CDH23: variants seen among roughly 807,000 people sequenced by gnomAD.
CDH23 encodes cadherin-23.
A neutral mutation model predicts 317.1 loss-of-function variants in CDH23; 189 were observed. That is an observed-to-expected ratio of 0.60 (90% CI 0.53 to 0.67). The LOEUF (loss-of-function observed/expected upper bound fraction) is 0.67. CDH23 is among the 30% of genes least tolerant of loss of function. The pLI, the probability that CDH23 is intolerant of heterozygous loss-of-function variation, is 0.00. For missense variants in CDH23, 4,401 were observed against 4,592.4 expected, an observed-to-expected ratio of 0.96 and a Z score of 1.20; for synonymous variants, 1,839 against 1,876.8, an observed-to-expected ratio of 0.98 and a Z score of 0.52.
At position 71,598,484 on chromosome 10, in the gene CDH23, A is replaced by T. The variant is rs540139214; in HGVS notation, c.833-17020A>T. On this transcript the variant is annotated intron_variant, in intron 9 of 69. Transcript: ENST00000224721. ...GCCCAGAGTTTGGAGTGGGAGTGCT[A>T]TAGGGTATCCACTGCTTTGGAGCAC... Among the ~76,000 whole-genome samples, 95 of 152,322 alleles carry T rather than the reference A, an allele frequency of 6.2e-4. 2 individuals are homozygous for T. The South Asian group carries it at 0.018, about 30-fold the overall frequency.
chr10:71,638,666 C>T (rs953927035), intron 11 of CDH23, among the ~76,000 whole-genome samples: 6 of 152,214 alleles, frequency 3.9e-5, no homozygotes, highest in Admixed American at 1.3e-4. Flanking sequence ...ACCCTTGACC[C>T]TCCCTCCCAA....
rs575203430 is a variant in CDH23, at chr10:71,807,960, G to A, written c.8675G>A (p.Arg2892Gln). 2.0e-5 allele frequency: 32 copies of A among 1,600,430 alleles called. No individual in the cohort carries two copies. The South Asian group carries it at 2.0e-4, about 10-fold the overall frequency. The change falls in exon 60 of 70, where the codon CGG becomes CAG. Residue 2892 changes from arginine (R) to glutamine (Q), a missense_variant. Arg to Gln is a conservative substitution (Grantham distance 43). This residue lies in a region of CDH23 where 1,144 missense variants were observed against 1,138.2 expected (regional missense o/e 1.01). Coordinates refer to ENST00000224721, the MANE Select transcript of CDH23 (RefSeq NM_022124.6). ...FYSILAIHYF[R>Q]ALANDSEDVG... ...AGCATTCTGGCCATCCACTACTTCC[G>A]GGCCCTTGCCAACGACTCTGAAGAT...
intron 9 of CDH23, among the ~76,000 whole-genome samples, chr10:71,599,298 T>G (rs920750266): frequency 2.0e-4 from 30 of 152,200 alleles, no homozygotes; most frequent in Non-Finnish European, 1.9e-4. Context: ...AGGCCTGTTC[T>G]GTGAGCGCTG....
intron 38 of CDH23, among the ~76,000 whole-genome samples, chr10:71,744,545 C>T (rs1171812111): frequency 6.6e-6 from 1 of 152,234 alleles, no homozygotes; most frequent in Non-Finnish European, 1.5e-5. Flanking sequence ...TTTCCATCTG[C>T]TGGCCAAACC....
At chr10:71,632,418 G>A (rs767902257) in intron 11 of CDH23, among the ~76,000 whole-genome samples, 2 of 152,228 alleles carry the variant, frequency 1.3e-5, no homozygotes, top group Non-Finnish European at 2.9e-5. Context: ...TGTACTCAGA[G>A]CTATGCTTTA....
At chr10:71,486,115 G>C (rs1165570468) in intron 3 of CDH23, among the ~76,000 whole-genome samples, 2 of 152,204 alleles carry the variant, frequency 1.3e-5, no homozygotes, top group African/African-American at 4.8e-5. Flanking sequence ...TTATTGAATG[G>C]ATAAATGGGA....
chr10:71,651,956 C>T (rs1299291171), intron 14 of CDH23, among the ~76,000 whole-genome samples: 1 of 152,154 alleles, frequency 6.6e-6, no homozygotes, highest in Non-Finnish European at 1.5e-5. Flanking sequence ...AGGGTGGCAG[C>T]CCCCCTGGCG....
chr10:71,812,985 T>A, intron 68 of CDH23, 95 bp downstream of exon 68: 1 of 1,545,848 alleles, frequency 6.5e-7, no homozygotes. Context: ...CAGGCTCAGC[T>A]AGACCCACCC....
chr10:71,508,406 T>C (rs34491163), intron 3 of CDH23: 15,968 of 152,264 alleles, frequency 0.1, 1,006 homozygotes, highest in Non-Finnish European at 0.14. Context: ...TGCCATTTGC[T>C]GACCATGAGG....
chr10:71,784,492 A>G (rs1222292741), intron 42 of CDH23, 72 bp downstream of exon 42: 10 of 1,557,100 alleles, frequency 6.4e-6, no homozygotes, highest in Middle Eastern at 1.8e-4. Context: ...TCTTGTAAAC[A>G]TTGTTACCCT....
intron 3 of CDH23, among the ~76,000 whole-genome samples, chr10:71,467,188 G>A (rs1851295925): frequency 6.6e-6 from 1 of 152,150 alleles, no homozygotes. Flanking sequence ...CCAGGACCTG[G>A]GCTGCTGGGT....
chr10:71,634,341 C>T (rs1160210121), intron 11 of CDH23, among the ~76,000 whole-genome samples: 1 of 152,268 alleles, frequency 6.6e-6, no homozygotes, highest in Non-Finnish European at 1.5e-5. Flanking sequence ...TTGGACTCTT[C>T]TCCGTGCATC....
chr10:71,447,035 A>T (rs1286436103), intron 3 of CDH23, among the ~76,000 whole-genome samples: 1 of 152,128 alleles, frequency 6.6e-6, no homozygotes, highest in Admixed American at 6.5e-5. Flanking sequence ...GCAGCACCTG[A>T]AAAGGGCCTG....
rs561499400 is a variant in CDH23 at position 71,654,832 on chromosome 10, C to G, written c.1449+8215C>G. Among the ~76,000 whole-genome samples the G allele has an allele frequency of 6.6e-5, 10 of 152,270 alleles. No homozygotes were observed. The South Asian group carries it at 2.1e-3, about 32-fold the overall frequency. Reference sequence around the variant, plus strand: ...GGAGGAGTGTCCCAAGAGATCCAGACAGAAGCTGCGTGGCGTTTTTCAACC... The same window carrying G: ...GGAGGAGTGTCCCAAGAGATCCAGAGAGAAGCTGCGTGGCGTTTTTCAACC... On this transcript the variant is annotated intron_variant, in intron 14 of 69. Coordinates refer to ENST00000224721, the MANE Select transcript of CDH23 (RefSeq NM_022124.6).
At chr10:71,583,679 G>T (rs768495442) in intron 9 of CDH23, among the ~76,000 whole-genome samples, 10 of 152,300 alleles carry the variant, frequency 6.6e-5, no homozygotes, top group South Asian at 4.2e-4. Context: ...TTCCCCATCT[G>T]CTGTCGTCCG....
rs576452137 is a variant in CDH23, at chr10:71,459,907, C to G, written c.145+13512C>G. On this transcript the variant is annotated intron_variant, in intron 3 of 69. Coordinates refer to ENST00000224721, the MANE Select transcript of CDH23 (RefSeq NM_022124.6). Reference sequence around the variant, plus strand: ...TTCTTTATTCTAGAGGTGGCCAGCTCTTGTAGCTGGTCCTTATCCACAGAC... The same window carrying G: ...TTCTTTATTCTAGAGGTGGCCAGCTGTTGTAGCTGGTCCTTATCCACAGAC... Among the ~76,000 whole-genome samples, 9 of 152,326 alleles carry G rather than the reference C, an allele frequency of 5.9e-5. No homozygotes were observed. The East Asian group carries it at 1.7e-3, about 29-fold the overall frequency.
intron 20 of CDH23, among the ~76,000 whole-genome samples, chr10:71,691,129 C>T (rs929302923): frequency 8.5e-5 from 13 of 152,216 alleles, no homozygotes; most frequent in Non-Finnish European, 1.6e-4. Context: ...TGTGAGCCCC[C>T]TGCCCCCAGC....
At chr10:71,500,796 T>TTTC (rs1359504491) in intron 3 of CDH23, among the ~76,000 whole-genome samples, 1 of 145,686 alleles carries the variant, frequency 6.9e-6, no homozygotes, top group Non-Finnish European at 1.5e-5. Context: ...TTTCTTTTCT[T>TTTC]TTCTTTTCTT....
chr10:71,637,660 G>A (rs562200032), intron 11 of CDH23, among the ~76,000 whole-genome samples: 1 of 152,192 alleles, frequency 6.6e-6, no homozygotes, highest in South Asian at 2.1e-4. Flanking sequence ...TGGCAGACCC[G>A]AGTTGGGGAC....
Sources: allele counts gnomAD v4.1 joint callset (sites outside exome capture counted in the v4.1 genomes callset), GRCh38; gene constraint gnomAD v4.1.1; regional missense constraint gnomAD v4.1.1; transcripts MANE v1.5; gene names NCBI Gene and HGNC (gene_info 2026-07-23, HGNC 2026-07-21).